KMT2A: variants seen among roughly 807,000 people sequenced by gnomAD.
The protein encoded by KMT2A is histone-lysine N-methyltransferase 2A.
A neutral mutation model predicts 345.3 loss-of-function variants in KMT2A; 16 were observed. The observed-to-expected ratio is 0.05, with a 90% CI of 0.03 to 0.07. The LOEUF (loss-of-function observed/expected upper bound fraction) is 0.07. Ranked by LOEUF, KMT2A falls within the 10% of genes least tolerant of loss-of-function variation. The probability of loss-of-function intolerance (pLI) is 1.00; values close to 1 mark genes in which losing one functional copy is unlikely to be tolerated. For missense variants in KMT2A, 3,272 were observed against 4,841.6 expected, an observed-to-expected ratio of 0.68 and a Z score of 9.62; for synonymous variants, 1,599 against 1,778.6, an observed-to-expected ratio of 0.90 and a Z score of 2.54.
chr11:118,489,548 T>C (rs909665594), intron 11 of KMT2A, among the ~76,000 whole-genome samples: 3 of 152,232 alleles, frequency 2.0e-5, no homozygotes, highest in South Asian at 2.1e-4. Flanking sequence ...GAAAACATGA[T>C]GTTGAATAAA....
Position 118,510,112 on chromosome 11 carries a change from A to T in KMT2A, c.11065A>T (p.Ile3689Phe), listed in dbSNP as rs369995531. 6.2e-7 allele frequency: 1 copy of T among 1,605,084 alleles called. No individual in the cohort carries two copies. The highest frequency in any genetic ancestry group is 8.5e-7 in the Non-Finnish European group (1 of 1,174,716). The change falls in exon 30 of 36, where the codon ATT becomes TTT. Residue 3689 changes from isoleucine to phenylalanine, a missense_variant. Around this residue, in one of 27 missense-constraint regions of KMT2A, gnomAD observed 72 missense variants for 135.6 expected, o/e 0.53. Coordinates refer to ENST00000534358, the MANE Select transcript of KMT2A (RefSeq NM_001197104.2). This position sits in a 1 kb window ranked among gnomAD's most constrained non-coding sequence, Gnocchi z 4.1. ...TGGCTTTCAGATCTGTGCAGAAAGT[A>T]TTGAAGGTGAGTGGATTAAATCAGG... ...DDGFQICAES[I>F]EDAWKSLTDK... is the part of the protein sequence containing the mutation.
rs138874232 is a variant in KMT2A at position 118,482,046 on chromosome 11, C to T, written c.3966C>T (p.Thr1322=). ...CGCCAAGAAAAGAAGTTCCCAAAAC[C>T]ACTCCTAGTGAGCCCAAGAAAAAGC... is the stretch of plus-strand genomic sequence containing the variant. ...TGPPRKEVPK[T]TPSEPKKKQP... Residue 1322 remains threonine (T), a synonymous_variant, in exon 7 of 36, where the codon ACC becomes ACT. Transcript: ENST00000534358. 2.5e-6 allele frequency: 4 copies of T among 1,613,850 alleles called. No individual in the cohort carries two copies. The highest frequency in any genetic ancestry group is 3.4e-6 in the Non-Finnish European group (4 of 1,179,928).
chr11:118,464,134 A>G (rs1565273223), intron 1 of KMT2A, among the ~76,000 whole-genome samples: 1 of 152,322 alleles, frequency 6.6e-6, no homozygotes, highest in South Asian at 2.1e-4. Flanking sequence ...GCAAGGAAAA[A>G]ATTCATCTTG....
At chr11:118,447,782 A>T (rs562352863) in intron 1 of KMT2A, 1 of 277,336 alleles carries the variant, frequency 3.6e-6, no homozygotes, top group Non-Finnish European at 7.3e-6. Context: ...GAATGGATCC[A>T]TTATTAGGAA....
chr11:118,478,308 T>C lies in KMT2A; in HGVS notation c.3569+107T>C, dbSNP rs1555038167. The C allele has an allele frequency of 6.0e-6, 5 of 832,474 alleles. No homozygotes were observed. In the East Asian group the frequency reaches 7.5e-5, roughly 12 times the overall value. The allele number at this position is 832,474 out of a possible 1,614,324, so 51.6% of individuals were successfully genotyped here. A position where few individuals can be genotyped will look rare whatever the true frequency, so the allele number is the denominator to read the frequency against. ...ATCAGGAAACTGAATGTGGTTGTAA[T>C]TGAGTTGCAAGACTTGTTACAGTTA... On this transcript the variant is annotated intron_variant, in intron 5 of 35. Coordinates refer to ENST00000534358, the MANE Select transcript of KMT2A (RefSeq NM_001197104.2).
At chr11:118,444,565 G>GT (rs1249702485) in intron 1 of KMT2A, among the ~76,000 whole-genome samples, 7 of 151,952 alleles carry the variant, frequency 4.6e-5, no homozygotes, top group Admixed American at 1.3e-4. Flanking sequence ...TCTTGAAAAA[G>GT]TTTTTTTTGT....
intron 24 of KMT2A, chr11:118,500,777 G>T (rs1950488298): frequency 5.0e-6 from 2 of 398,648 alleles, no homozygotes; most frequent in African/African-American, 2.0e-5. Flanking sequence ...AAGATCTTAG[G>T]CTATTTTCTG....
intron 28 of KMT2A, among the ~76,000 whole-genome samples, chr11:118,508,353 G>C (rs1732528886): frequency 6.6e-6 from 1 of 152,046 alleles, no homozygotes; most frequent in South Asian, 2.1e-4. Flanking sequence ...AATCGCTGCC[G>C]CCAATTCTAT....
intron 1 of KMT2A, among the ~76,000 whole-genome samples, chr11:118,447,270 C>T (rs1374638133): frequency 6.6e-6 from 1 of 152,142 alleles, no homozygotes; most frequent in Non-Finnish European, 1.5e-5. Flanking sequence ...AGACACGGGC[C>T]ATTTCTAAGT....
intron 30 of KMT2A, among the ~76,000 whole-genome samples, chr11:118,511,472 C>T (rs577410998): frequency 1.3e-5 from 2 of 152,278 alleles, no homozygotes; most frequent in East Asian, 3.9e-4. Context: ...AGGAAAAGAT[C>T]ACAGAATCTT....
In KMT2A at chr11:118,521,768, A is replaced by C; in HGVS notation, c.11644-129A>C. 1 of 969,186 alleles carries C rather than the reference A, an allele frequency of 1.0e-6. No homozygotes were observed. Among genetic ancestry groups the C allele is most frequent in the East Asian group, 2.6e-5 (1 of 38,366 alleles). The allele number at this position is 969,186 out of a possible 1,614,324, so 60.0% of individuals were successfully genotyped here. On this transcript the variant is annotated intron_variant, in intron 35 of 35. Transcript: ENST00000534358. This position sits in a 1 kb window ranked among gnomAD's most constrained non-coding sequence, Gnocchi z 5.3. ...CATCTTGAAAGATAGTACTGGGAGA[A>C]ATCTGGAAATTTTACTAGAAGAAAC... is the stretch of plus-strand genomic sequence containing the variant.
At position 118,525,264 on chromosome 11, in the gene KMT2A, T is replaced by A. The variant is rs924200937; in HGVS notation, c.*3092T>A. 6 of 230,234 alleles carry A rather than the reference T, an allele frequency of 2.6e-5. No individual in the cohort carries two copies. The highest frequency in any genetic ancestry group is 5.2e-5 in the Non-Finnish European group (6 of 116,240). The allele number at this position is 230,234 out of a possible 1,614,324, so 14.3% of individuals were successfully genotyped here. On this transcript the variant is annotated 3_prime_UTR_variant, in exon 36 of 36. Coordinates refer to ENST00000534358, the MANE Select transcript of KMT2A (RefSeq NM_001197104.2). Reference sequence around the variant, plus strand: ...TGAGGAGTAACAGCTGCAAACCTGGTCAGTTCTCAGTGAGAGCCAGCTCAC... The same window carrying A: ...TGAGGAGTAACAGCTGCAAACCTGGACAGTTCTCAGTGAGAGCCAGCTCAC...
chr11:118,473,767 A>G lies in KMT2A; in HGVS notation c.2608A>G (p.Lys870Glu). ...KDRDADKSVE[K>E]DKSRERDRER... ...TCGAGATGCTGACAAGAGCGTGGAG[A>G]AGGACAAGAGTAGAGAGAGAGACCG... The change falls in exon 3 of 36, where the codon AAG becomes GAG. Residue 870 changes from lysine (K) to glutamate (E), a missense_variant. By Grantham distance (56) the Lys-to-Glu change is moderately conservative. This residue lies in a region of KMT2A where 209 missense variants were observed against 237.4 expected (regional missense o/e 0.88). Coordinates refer to ENST00000534358, the MANE Select transcript of KMT2A (RefSeq NM_001197104.2). The surrounding 1 kb of genome is among the most constrained non-coding windows in gnomAD (Gnocchi z 5.2). 6.2e-7 allele frequency: 1 copy of G among 1,614,026 alleles called. No homozygotes were observed. The highest frequency in any genetic ancestry group is 1.1e-5 in the South Asian group (1 of 91,064).
chr11:118,519,618 G>A lies in KMT2A; in HGVS notation c.11147G>A (p.Gly3716Asp), dbSNP rs2135281426. 6.2e-7 allele frequency: 1 copy of A among 1,611,280 alleles called. No homozygotes were observed. Among genetic ancestry groups the A allele is most frequent in the Non-Finnish European group, 8.5e-7 (1 of 1,177,562 alleles). The change falls in exon 32 of 36, where the codon GGT (glycine) becomes GAT (aspartate). Residue 3716 changes from glycine (G) to aspartate (D), a missense_variant and splice_region_variant. Gly to Asp is a moderately conservative substitution (Grantham distance 94). This residue lies in a region of KMT2A where 72 missense variants were observed against 135.6 expected (regional missense o/e 0.53). Coordinates refer to ENST00000534358, the MANE Select transcript of KMT2A (RefSeq NM_001197104.2). ...TCCCTGGTGCTTCTGATTCTTCTAG[G>A]TGTTAACGGTTTGAGGATGCTGGGG... is the stretch of plus-strand genomic sequence containing the variant. The part of the protein sequence containing the change: ...NARLKQLSFA[G>D]VNGLRMLGIL...
intron 10 of KMT2A, chr11:118,488,413 G>C: frequency 1.6e-6 from 1 of 638,842 alleles, no homozygotes; most frequent in Non-Finnish European, 2.8e-6. Flanking sequence ...ATTTCCACTG[G>C]TATTACCACT....
rs1243111242 is a variant in KMT2A at position 118,473,031 on chromosome 11, T to C, written c.1872T>C (p.His624=). 1 of 1,614,188 alleles carries C rather than the reference T, an allele frequency of 6.2e-7. No individual in the cohort carries two copies. Among genetic ancestry groups the C allele is most frequent in the African/African-American group, 1.3e-5 (1 of 75,036 alleles). The change falls in exon 3 of 36, where the codon CAT becomes CAC. Residue 624 remains histidine, a synonymous_variant. Coordinates refer to ENST00000534358, the MANE Select transcript of KMT2A (RefSeq NM_001197104.2). The surrounding 1 kb of genome is among the most constrained non-coding windows in gnomAD (Gnocchi z 5.2). ...EPTFRWTSLK[H]SRSEPQYFSS... The stretch of plus-strand genomic sequence containing the variant: ...CATTTAGGTGGACTTCTTTAAAGCA[T>C]TCTAGGTCAGAGCCACAATACTTTT...
chr11:118,497,923 CTT>C lies in KMT2A; in HGVS notation c.5665-11_5665-10del. On this transcript the variant is annotated splice_polypyrimidine_tract_variant and intron_variant, in intron 20 of 35. Coordinates refer to ENST00000534358, the MANE Select transcript of KMT2A (RefSeq NM_001197104.2). The surrounding 1 kb of genome is among the most constrained non-coding windows in gnomAD (Gnocchi z 4.8). ...ATATTCTTTAGGAAAAAAGAAATCT[CTT>C]TATTTTATAGGATGCTGGTCGTTTA... 1.2e-6 allele frequency: 2 copies of C among 1,602,144 alleles called. No individual in the cohort carries two copies. Among genetic ancestry groups the C allele is most frequent in the African/African-American group, 1.3e-5 (1 of 74,684 alleles).
chr11:118,515,814 G>A (rs1195256848), intron 31 of KMT2A, among the ~76,000 whole-genome samples: 5 of 148,736 alleles, frequency 3.4e-5, no homozygotes, highest in Admixed American at 2.1e-4. Flanking sequence ...TCAGCCTCCC[G>A]AGTAGCTGGG....
At chr11:118,457,465 G>GTATTTTTTGTATTTTTTGTATT (rs1949667689) in intron 1 of KMT2A, among the ~76,000 whole-genome samples, 1 of 151,202 alleles carries the variant, frequency 6.6e-6, no homozygotes, top group Non-Finnish European at 1.5e-5. Context: ...TAGAGACAGG[G>GTATTTTTTGTATTTTTTGTATT]TTTCACCATG....
Sources: gnomAD v4.1 joint callset for allele counts (sites outside exome capture counted in the v4.1 genomes callset) on GRCh38, gnomAD v4.1.1 for gene constraint, gnomAD v4.1.1 regional missense constraint, Gnocchi (gnomAD v3.1) non-coding constraint, MANE v1.5 for transcripts, NCBI Gene and HGNC (gene_info 2026-07-23, HGNC 2026-07-21) for gene names.